The following UTS2B variants were observed in gnomAD, a reference collection of about 807,000 sequenced individuals.
The protein encoded by UTS2B is urotensin 2B.
Under a neutral mutation model 19.2 loss-of-function variants are expected in UTS2B, and 21 were observed. The ratio of observed to expected loss-of-function variants is 1.09; its 90% confidence interval spans 0.78 to 1.58. The LOEUF (loss-of-function observed/expected upper bound fraction) is 1.58. Ranked by LOEUF, UTS2B falls within the 40% of genes most tolerant of loss-of-function variation. The pLI, the probability that UTS2B is intolerant of heterozygous loss-of-function variation, is 0.00. For missense variants in UTS2B, 138 were observed against 130.3 expected (o/e 1.06, Z -0.29); for synonymous variants, 57 against 50.2 (o/e 1.14, Z -0.58).
intron 4 of UTS2B, among the ~76,000 whole-genome samples, chr3:191,290,720 G>A (rs1353400648): frequency 6.6e-6 from 1 of 152,136 alleles, no homozygotes; most frequent in Non-Finnish European, 1.5e-5. Context: ...GATATAAATG[G>A]CATTTCCATT....
At position 191,316,451 on chromosome 3, in the gene UTS2B, G is replaced by A. The variant is rs72499605; in HGVS notation, c.-585-12C>T. On this transcript the variant is annotated splice_polypyrimidine_tract_variant and intron_variant, in intron 2 of 8. Transcript: ENST00000340524. ...AGCAGCAAGATTTACTGCAAAGAGC[G>A]AAAAAATAGATCTCCCACAGTGTGA... 0.22 allele frequency: 34,089 copies of A among 152,178 alleles called. 4,185 individuals are homozygous for A. The highest frequency in any genetic ancestry group is 0.29 in the South Asian group (1,419 of 4,820). The allele number at this position is 152,178 out of a possible 1,614,324, so 9.4% of individuals were successfully genotyped here. A position where few individuals can be genotyped will look rare whatever the true frequency, so the allele number is the denominator to read the frequency against.
At chr3:191,330,108 G>A (rs1717915704) in intron 1 of UTS2B, among the ~76,000 whole-genome samples, 1 of 152,082 alleles carries the variant, frequency 6.6e-6, no homozygotes, top group Admixed American at 6.5e-5. Context: ...GAAGTGGAGA[G>A]GGGTTGACAT....
At chr3:191,293,414 C>A (rs1260959169) in intron 4 of UTS2B, among the ~76,000 whole-genome samples, 1 of 152,036 alleles carries the variant, frequency 6.6e-6, no homozygotes, top group East Asian at 1.9e-4. Flanking sequence ...ACTGATTCAA[C>A]CTTTTTACTT....
At chr3:191,335,279 A>G (rs145505213), upstream of UTS2B, among the ~76,000 whole-genome samples, 1 of 152,330 alleles carries the variant, frequency 6.6e-6, no homozygotes, top group East Asian at 1.9e-4. Context: ...GCTTTGATCC[A>G]TAGAGGAGAA....
At chr3:191,327,031 AT>A (rs533164055) in intron 2 of UTS2B, among the ~76,000 whole-genome samples, 144 of 152,302 alleles carry the variant, frequency 9.5e-4, no homozygotes, top group African/African-American at 3.4e-3. Context: ...AAATGTGGAT[AT>A]TTTTATGCAT....
the UTS2B span, among the ~76,000 whole-genome samples, chr3:191,341,748 A>T: frequency 2.6e-5 from 4 of 152,200 alleles, no homozygotes; most frequent in African/African-American, 9.6e-5. Flanking sequence ...CACTCTTGTG[A>T]AACTGCATGG....
At chr3:191,317,896 A>T (rs1261260874) in intron 2 of UTS2B, among the ~76,000 whole-genome samples, 5 of 151,758 alleles carry the variant, frequency 3.3e-5, no homozygotes, top group African/African-American at 1.2e-4. Context: ...TTTTATTTTT[A>T]TTTTTTTTAA....
chr3:191,338,676 G>A, the UTS2B span, among the ~76,000 whole-genome samples: 1 of 152,080 alleles, frequency 6.6e-6, no homozygotes, highest in African/African-American at 2.4e-5. Flanking sequence ...TCTTTTTATA[G>A]TTTCCCCATT....
the UTS2B span, among the ~76,000 whole-genome samples, chr3:191,338,784 T>C: frequency 2.0e-5 from 3 of 152,214 alleles, no homozygotes. Context: ...AGTTGATTGG[T>C]GTTGTGATTG....
chr3:191,335,670 T>C, the UTS2B span, among the ~76,000 whole-genome samples: 9 of 152,224 alleles, frequency 5.9e-5, no homozygotes, highest in Admixed American at 2.6e-4. Context: ...TTAGCCTACA[T>C]TGAGAAAAAG....
At chr3:191,337,873 A>C in the UTS2B span, among the ~76,000 whole-genome samples, 1 of 152,056 alleles carries the variant, frequency 6.6e-6, no homozygotes, top group African/African-American at 2.4e-5. Flanking sequence ...AAAACTTATT[A>C]CAGATATTTG....
intron 2 of UTS2B, among the ~76,000 whole-genome samples, chr3:191,317,267 C>T (rs1350685314): frequency 6.6e-6 from 1 of 152,206 alleles, no homozygotes; most frequent in Non-Finnish European, 1.5e-5. Context: ...TGCCTGGGGC[C>T]GGGGGCACCA....
chr3:191,313,725 C>CTTTTTTT (rs57398216), intron 3 of UTS2B, among the ~76,000 whole-genome samples: 100 of 109,120 alleles, frequency 9.2e-4, no homozygotes, highest in African/African-American at 3.0e-3. Flanking sequence ...CTCCACTTTC[C>CTTTTTTT]TTTTTTTTTT....
intron 5 of UTS2B, among the ~76,000 whole-genome samples, chr3:191,281,558 GGT>G (rs1296935245): frequency 6.6e-6 from 1 of 151,446 alleles, no homozygotes; most frequent in Admixed American, 6.6e-5. Flanking sequence ...GTGTAATGTA[GGT>G]GTTAGCATTG....
chr3:191,336,523 T>G, the UTS2B span, among the ~76,000 whole-genome samples: 2 of 152,186 alleles, frequency 1.3e-5, no homozygotes, highest in Admixed American at 1.3e-4. Flanking sequence ...ACTATTTTCT[T>G]ATTATTGAAT....
At chr3:191,289,210 C>A (rs1171409879) in intron 4 of UTS2B, among the ~76,000 whole-genome samples, 1 of 151,980 alleles carries the variant, frequency 6.6e-6, no homozygotes, top group Non-Finnish European at 1.5e-5. Context: ...GAGATCGAGA[C>A]CATCCTGGCT....
rs1484801100 is a variant in UTS2B at position 191,267,566 on chromosome 3, G to A, written c.*850C>T. ...AACAGACACACACAAGATAGTGAAA[G>A]CTGGGTCCAGGGGGGTCACCACCTT... On this transcript the variant is annotated 3_prime_UTR_variant, in exon 9 of 9. Coordinates refer to ENST00000340524, the MANE Select transcript of UTS2B (RefSeq NM_198152.5). 4 of 152,182 alleles carry A rather than the reference G, an allele frequency of 2.6e-5. No homozygotes were observed. The highest frequency in any genetic ancestry group is 9.7e-5 in the African/African-American group (4 of 41,436). 9.4% of individuals were successfully genotyped at this position (152,182 alleles called of 1,614,324 possible). A position where few individuals can be genotyped will look rare whatever the true frequency, so the allele number is the denominator to read the frequency against.
chr3:191,319,136 G>C (rs1300358600), intron 2 of UTS2B, among the ~76,000 whole-genome samples: 1 of 151,662 alleles, frequency 6.6e-6, no homozygotes. Flanking sequence ...CCTTGCATTA[G>C]CTCCTTGTAC....
At chr3:191,311,086 A>G (rs565447656) in intron 3 of UTS2B, among the ~76,000 whole-genome samples, 1 of 152,262 alleles carries the variant, frequency 6.6e-6, no homozygotes, top group Non-Finnish European at 1.5e-5. Context: ...CAATAGACAC[A>G]GTGAACCCAC....
Sources: allele counts gnomAD v4.1 joint callset (sites outside exome capture counted in the v4.1 genomes callset), GRCh38; gene constraint gnomAD v4.1.1; transcripts MANE v1.5; gene names NCBI Gene and HGNC (gene_info 2026-07-23, HGNC 2026-07-21).